The following DMD variants were observed in gnomAD, a reference collection of about 807,000 sequenced individuals.
The protein encoded by DMD is dystrophin.
A neutral mutation model predicts 330.1 loss-of-function variants in DMD; 63 were observed. The observed-to-expected ratio is 0.19, with a 90% confidence interval of 0.16 to 0.24. The LOEUF is 0.24. Ranked by LOEUF, DMD falls within the 10% of genes least tolerant of loss-of-function variation. The pLI is 1.00. For synonymous variants in DMD, 1,223 were observed against 959.8 expected (o/e 1.27, Z -5.07); for missense variants, 3,344 against 2,684.1 (o/e 1.25, Z -5.43).
chrX:32,470,525 C>T (rs1341014385), intron 22 of DMD, among the ~76,000 whole-genome samples: 1 of 110,762 alleles, frequency 9.0e-6, no homozygotes, highest in Non-Finnish European at 1.9e-5. Context: ...CTATCTTTTT[C>T]AGTGGAAATA....
intron 57 of DMD, among the ~76,000 whole-genome samples, chrX:31,483,288 T>C (rs373797826): frequency 0.012 from 1,318 of 109,879 alleles, 36 homozygotes; most frequent in African/African-American, 0.039. Context: ...CCTCGTGATC[T>C]GCCCGCCTTG....
chrX:32,889,538 G>T (rs2084984076), intron 2 of DMD, among the ~76,000 whole-genome samples: 1 of 110,774 alleles, frequency 9.0e-6, no homozygotes, highest in African/African-American at 3.3e-5. Context: ...TGAAGCAACT[G>T]AAGATCCACA....
chrX:32,126,504 C>G (rs1467479864), intron 44 of DMD, among the ~76,000 whole-genome samples: 1 of 111,895 alleles, frequency 8.9e-6, no homozygotes, highest in Non-Finnish European at 1.9e-5. Context: ...GATTTAAAAC[C>G]AAGAGTTTCT....
chrX:32,727,573 T>C (rs1391344544), intron 7 of DMD, among the ~76,000 whole-genome samples: 1 of 110,572 alleles, frequency 9.0e-6, no homozygotes, highest in African/African-American at 3.3e-5. Context: ...TTGACGTTCC[T>C]ATGCTGAATT....
intron 13 of DMD, among the ~76,000 whole-genome samples, chrX:32,574,708 G>A (rs1432977817): frequency 9.0e-6 from 1 of 110,773 alleles, no homozygotes; most frequent in Non-Finnish European, 1.9e-5. Context: ...ATATTGACGT[G>A]CTTTATTTTA....
chrX:32,051,249 A>G (rs1029778949), intron 44 of DMD, among the ~76,000 whole-genome samples: 26 of 110,826 alleles, frequency 2.3e-4, no homozygotes, highest in Middle Eastern at 4.2e-3. Context: ...CATCTCTGTA[A>G]TTATGAAGAG....
At chrX:31,344,574 C>T (rs1602020906) in intron 61 of DMD, among the ~76,000 whole-genome samples, 1 of 111,410 alleles carries the variant, frequency 9.0e-6, no homozygotes. Flanking sequence ...AGAGGCCGGG[C>T]GTGGTGGCTC....
At chrX:32,546,230 C>G (rs149755274) in intron 16 of DMD, among the ~76,000 whole-genome samples, 287 of 105,490 alleles carry the variant, frequency 2.7e-3, no homozygotes, top group African/African-American at 9.4e-3. Flanking sequence ...CACAGAGCTC[C>G]TCTCATGACG....
chrX:31,262,761 C>T (rs2050651130), intron 62 of DMD, among the ~76,000 whole-genome samples: 2 of 112,392 alleles, frequency 1.8e-5, no homozygotes, highest in African/African-American at 6.5e-5. Flanking sequence ...CATGACCAAG[C>T]CGGTTTATGA....
chrX:33,005,647 A>C (rs1208551100), intron 2 of DMD, among the ~76,000 whole-genome samples: 1 of 110,286 alleles, frequency 9.1e-6, no homozygotes, highest in Admixed American at 9.8e-5. Context: ...AACACCTATA[A>C]TTGACATCCT....
intron 55 of DMD, among the ~76,000 whole-genome samples, chrX:31,554,259 A>G (rs2147781463): frequency 8.9e-6 from 1 of 112,030 alleles, no homozygotes; most frequent in South Asian, 3.7e-4. Flanking sequence ...CTAAATTGGA[A>G]TCATTAAAGA....
At chrX:31,938,247 C>CT (rs1357318595) in intron 45 of DMD, among the ~76,000 whole-genome samples, 1 of 111,056 alleles carries the variant, frequency 9.0e-6, no homozygotes, top group African/African-American at 3.3e-5. Context: ...TTTGGATTGC[C>CT]TTTTATATGC....
At chrX:32,898,542 G>C (rs375340627) in intron 2 of DMD, among the ~76,000 whole-genome samples, 2 of 112,256 alleles carry the variant, frequency 1.8e-5, no homozygotes, top group Admixed American at 9.5e-5. Context: ...GCTGGCTACT[G>C]TATTTATATC....
At chrX:32,161,975 C>A (rs2096850862) in intron 44 of DMD, among the ~76,000 whole-genome samples, 1 of 111,354 alleles carries the variant, frequency 9.0e-6, no homozygotes, top group South Asian at 3.8e-4. Context: ...GGATTGAAAC[C>A]TAGTGAATGA....
Position 32,554,917 on chromosome X carries a change from GAAAGAAAGAAAGAAAGAAAGAA to G in DMD, c.1993-9605_1993-9584del, listed in dbSNP as rs1569190613. ...AGAAAGAAAGAAAGAAAGAAAGAAA[GAAAGAAAGAAAGAAAGAAAGAA>G]AGAGAGAGAGAGGGAGAGAGAAAGA... On this transcript the variant is annotated intron_variant, in intron 16 of 78. Coordinates refer to ENST00000357033, the MANE Select transcript of DMD (RefSeq NM_004006.3). Among the ~76,000 whole-genome samples the G allele has an allele frequency of 8.0e-4, 22 of 27,511 alleles. 1 individual carries two copies. In the East Asian group the frequency reaches 0.022, roughly 27 times the overall value. The allele number at this position is 27,511 out of a possible 115,157, so 23.9% of individuals were successfully genotyped here.
At chrX:31,436,231 T>C (rs2064520874) in intron 60 of DMD, among the ~76,000 whole-genome samples, 1 of 112,102 alleles carries the variant, frequency 8.9e-6, no homozygotes, top group South Asian at 3.7e-4. Flanking sequence ...TTAAAACAAA[T>C]TAGAAATTAG....
intron 51 of DMD, among the ~76,000 whole-genome samples, chrX:31,733,433 A>T (rs2086651197): frequency 9.0e-6 from 1 of 111,551 alleles, no homozygotes; most frequent in Admixed American, 9.5e-5. Flanking sequence ...TCATATTTTT[A>T]TATTTTTCTA....
intron 55 of DMD, among the ~76,000 whole-genome samples, chrX:31,510,462 C>T (rs950218266): frequency 4.0e-4 from 43 of 107,675 alleles, no homozygotes; most frequent in African/African-American, 1.3e-3. Flanking sequence ...TGTTTACCCA[C>T]GTGGATTGAT....
chrX:31,821,653 A>G (rs960385140), intron 49 of DMD, among the ~76,000 whole-genome samples: 21 of 112,033 alleles, frequency 1.9e-4, no homozygotes, highest in African/African-American at 6.8e-4. Context: ...AAGCCACTGA[A>G]ATATTTAGTT....
Sources: allele counts gnomAD v4.1 joint callset (sites outside exome capture counted in the v4.1 genomes callset), GRCh38; gene constraint gnomAD v4.1.1; transcripts MANE v1.5; gene names NCBI Gene and HGNC (gene_info 2026-07-23, HGNC 2026-07-21).